Variants in SEZ6L observed in about 807,000 individuals in gnomAD.
SEZ6L encodes seizure related 6 homolog like.
A neutral mutation model predicts 106.2 loss-of-function variants in SEZ6L; 37 were observed. The ratio of observed to expected loss-of-function variants is 0.35; its 90% CI spans 0.27 to 0.46. SEZ6L has a LOEUF of 0.46. Ranked by LOEUF, SEZ6L falls within the 20% of genes least tolerant of loss-of-function variation. SEZ6L has a pLI of 1.00. For synonymous variants in SEZ6L, 541 were observed against 570.4 expected, an observed-to-expected ratio of 0.95 and a Z score of 0.73; for missense variants, 1,172 against 1,332.8, an observed-to-expected ratio of 0.88 and a Z score of 1.88.
intron 1 of SEZ6L, among the ~76,000 whole-genome samples, chr22:26,226,733 G>A (rs2078645058): frequency 1.3e-5 from 2 of 152,136 alleles, no homozygotes; most frequent in Non-Finnish European, 2.9e-5. Flanking sequence ...CCCAGGAATG[G>A]CCATGTGACA....
intron 1 of SEZ6L, among the ~76,000 whole-genome samples, chr22:26,213,213 C>G (rs2078209704): frequency 6.6e-6 from 1 of 152,192 alleles, no homozygotes; most frequent in Non-Finnish European, 1.5e-5. Flanking sequence ...CCTGCTTCAT[C>G]ATGGAAACAG....
At chr22:26,284,604 C>CAAAAAAAAAAAAA (rs137198) in intron 1 of SEZ6L, among the ~76,000 whole-genome samples, 2 of 64,034 alleles carry the variant, frequency 3.1e-5, no homozygotes, top group African/African-American at 9.0e-5. Flanking sequence ...ATCAGGACTC[C>CAAAAAAAAAAAAA]AAAAAAAAAA....
At chr22:26,259,574 G>C (rs1007529748) in intron 1 of SEZ6L, among the ~76,000 whole-genome samples, 3 of 152,156 alleles carry the variant, frequency 2.0e-5, no homozygotes, top group Non-Finnish European at 4.4e-5. Context: ...AAGGGGTCAG[G>C]AGGGCAGAGA....
At chr22:26,232,873 G>A (rs886096434) in intron 1 of SEZ6L, among the ~76,000 whole-genome samples, 1 of 152,166 alleles carries the variant, frequency 6.6e-6, no homozygotes, top group African/African-American at 2.4e-5. Context: ...AGGAACACGG[G>A]GACGATGTCA....
rs55983247 is a variant in SEZ6L, at chr22:26,191,976, CTCCATCCA to C, written c.94+22250_94+22257del. On this transcript the variant is annotated intron_variant, in intron 1 of 16. Transcript: ENST00000248933. ...TCACTGAATGATATTAAGCAAGTCACTCCATCCATCCATCCATCCATCCATCCATCCAT... is the reference window on the plus strand; with the variant it reads ...TCACTGAATGATATTAAGCAAGTCACTCCATCCATCCATCCATCCATCCAT... 2.0e-3 allele frequency among the ~76,000 whole-genome samples: 301 copies of C among 150,088 alleles called. 2 individuals carry two copies. The highest frequency in any genetic ancestry group is 4.7e-3 in the Admixed American group (71 of 15,034).
chr22:26,223,291 A>C (rs2078533824), intron 1 of SEZ6L, among the ~76,000 whole-genome samples: 3 of 151,636 alleles, frequency 2.0e-5, no homozygotes, highest in African/African-American at 4.9e-5. Flanking sequence ...ATAAAATTAG[A>C]CTCCAAGTCC....
chr22:26,229,659 C>T (rs949614147), intron 1 of SEZ6L, among the ~76,000 whole-genome samples: 4 of 152,158 alleles, frequency 2.6e-5, no homozygotes, highest in African/African-American at 4.8e-5. Context: ...CCTTAGGGAA[C>T]GTTTACAAAA....
intron 3 of SEZ6L, among the ~76,000 whole-genome samples, chr22:26,296,642 T>C (rs934611129): frequency 1.3e-5 from 2 of 152,200 alleles, no homozygotes; most frequent in Admixed American, 6.5e-5. Context: ...GGGCCTCACA[T>C]TGCAAGTCCC....
At position 26,376,452 on chromosome 22, in the gene SEZ6L, C is replaced by T. The variant is rs182090126; in HGVS notation, c.2942+763C>T. Among the ~76,000 whole-genome samples the T allele has an allele frequency of 3.5e-3, 539 of 152,124 alleles. 5 individuals carry two copies. Among genetic ancestry groups the T allele is most frequent in the African/African-American group, 0.012 (513 of 41,500 alleles). On this transcript the variant is annotated intron_variant, in intron 15 of 16. Coordinates refer to ENST00000248933, the MANE Select transcript of SEZ6L (RefSeq NM_021115.5). Reference sequence around the variant, plus strand: ...AGGACTTGAAAGTGATCATGAGAAACCTATGCAGTCCAGGCGTGGTGGCTC... The same window carrying T: ...AGGACTTGAAAGTGATCATGAGAAATCTATGCAGTCCAGGCGTGGTGGCTC...
intron 13 of SEZ6L, 22 bp downstream of exon 13, chr22:26,365,588 A>T: frequency 6.3e-7 from 1 of 1,599,920 alleles, no homozygotes; most frequent in Non-Finnish European, 8.6e-7. Context: ...TACTCACCAC[A>T]CAGGGTCCAC....
intron 13 of SEZ6L, among the ~76,000 whole-genome samples, chr22:26,371,550 T>G (rs1049702307): frequency 2.0e-5 from 3 of 151,992 alleles, no homozygotes; most frequent in Non-Finnish European, 4.4e-5. Flanking sequence ...GAGAATCGCT[T>G]GAAACCGGGA....
chr22:26,176,491 G>C (rs983558101), intron 1 of SEZ6L, among the ~76,000 whole-genome samples: 1 of 152,290 alleles, frequency 6.6e-6, no homozygotes, highest in Middle Eastern at 3.4e-3. Context: ...TGGCTTGTGC[G>C]TGAGCCTTAT....
intron 1 of SEZ6L, among the ~76,000 whole-genome samples, chr22:26,261,760 T>C (rs966984016): frequency 2.0e-5 from 3 of 152,088 alleles, no homozygotes; most frequent in East Asian, 3.8e-4. Flanking sequence ...TTTGAAAGAA[T>C]AGAGTTGGGA....
chr22:26,239,724 G>A (rs1352581568), intron 1 of SEZ6L, among the ~76,000 whole-genome samples: 1 of 152,158 alleles, frequency 6.6e-6, no homozygotes, highest in Non-Finnish European at 1.5e-5. Context: ...TGGAACAGCT[G>A]TGGTTTTCTG....
chr22:26,323,437 A>G (rs933093497), intron 9 of SEZ6L, among the ~76,000 whole-genome samples: 1 of 152,156 alleles, frequency 6.6e-6, no homozygotes, highest in African/African-American at 2.4e-5. Flanking sequence ...GTTCAAGACC[A>G]GCCTGGGCAA....
At position 26,311,820 on chromosome 22, in the gene SEZ6L, T is replaced by C. The variant is rs1392949526; in HGVS notation, c.1734T>C (p.Thr578=). The C allele has an allele frequency of 6.2e-7, 1 of 1,614,178 alleles. No individual in the cohort carries two copies. Among genetic ancestry groups the C allele is most frequent in the Admixed American group, 1.7e-5 (1 of 60,018 alleles). Reference sequence around the variant, plus strand: ...CCTACATCCAGAATGGGAACTTCACTACATCCGACCCGACCTATAACATTG... The same window carrying C: ...CCTACATCCAGAATGGGAACTTCACCACATCCGACCCGACCTATAACATTG... ...YEPYIQNGNF[T]TSDPTYNIGT... Residue 578 remains threonine (T), a synonymous_variant, in exon 8 of 17, where the codon ACT becomes ACC. Transcript: ENST00000248933.
At chr22:26,305,876 A>T (rs911668887) in intron 5 of SEZ6L, 103 bp from the exon 6 acceptor site, 2 of 1,246,216 alleles carry the variant, frequency 1.6e-6, no homozygotes, top group Admixed American at 2.0e-5. Flanking sequence ...GGAGAATGAA[A>T]CACTCACTTC....
At chr22:26,200,912 C>T (rs983186803) in intron 1 of SEZ6L, among the ~76,000 whole-genome samples, 1 of 152,082 alleles carries the variant, frequency 6.6e-6, no homozygotes, top group Non-Finnish European at 1.5e-5. Context: ...TCAAGCTGGA[C>T]CTTCCATATG....
chr22:26,285,300 C>T (rs770021303), intron 1 of SEZ6L, among the ~76,000 whole-genome samples: 2 of 152,124 alleles, frequency 1.3e-5, no homozygotes, highest in East Asian at 1.9e-4. Context: ...CAAATGTGCC[C>T]GAGACGGAAA....
Sources: gnomAD v4.1 joint callset for allele counts (sites outside exome capture counted in the v4.1 genomes callset) on GRCh38, gnomAD v4.1.1 for gene constraint, MANE v1.5 for transcripts, NCBI Gene and HGNC (gene_info 2026-07-23, HGNC 2026-07-21) for gene names.